DDR2: variants seen among roughly 807,000 people sequenced by gnomAD.
The protein encoded by DDR2 is discoidin domain-containing receptor 2.
Under a neutral mutation model 94.9 loss-of-function variants are expected in DDR2, and 27 were observed. The observed-to-expected ratio is 0.28, with a 90% CI of 0.21 to 0.39. The LOEUF is 0.39. DDR2 is among the 10% of genes least tolerant of loss of function. The pLI is 1.00. For synonymous variants in DDR2, 382 were observed against 377.2 expected, an observed-to-expected ratio of 1.01 and a Z score of -0.15; for missense variants, 783 against 1,076.0, an observed-to-expected ratio of 0.73 and a Z score of 3.81.
rs1377378043 is a variant in DDR2 at position 162,784,979 on chromosome 1, A to C, written c.*4733A>C. 6.6e-6 allele frequency: 1 copy of C among 152,228 alleles called. No homozygotes were observed. Among genetic ancestry groups the C allele is most frequent in the East Asian group, 1.9e-4 (1 of 5,198 alleles). 9.4% of individuals were successfully genotyped at this position (152,228 alleles called of 1,614,324 possible). A position where few individuals can be genotyped will look rare whatever the true frequency, so the allele number is the denominator to read the frequency against. ...ACTGGCCTTGCTTGGATACAACAGG[A>C]AAGATACTATCTGGATAAAGTTCTA... On this transcript the variant is annotated 3_prime_UTR_variant, in exon 18 of 18. Transcript: ENST00000367921.
At chr1:162,762,137 G>C (rs796353497) in intron 9 of DDR2, among the ~76,000 whole-genome samples, 34 of 152,236 alleles carry the variant, frequency 2.2e-4, no homozygotes, top group African/African-American at 7.7e-4. Flanking sequence ...ATAAGGATCT[G>C]TTGGTGAGTT....
At chr1:162,689,657 C>T (rs1352439432) in intron 2 of DDR2, among the ~76,000 whole-genome samples, 1 of 150,790 alleles carries the variant, frequency 6.6e-6, no homozygotes. Flanking sequence ...AAAAAGAAGG[C>T]ATCAAGGTTT....
chr1:162,763,586 G>A (rs1663858876), intron 9 of DDR2, among the ~76,000 whole-genome samples: 1 of 151,888 alleles, frequency 6.6e-6, no homozygotes, highest in Non-Finnish European at 1.5e-5. Context: ...GAAAGAACAA[G>A]GTATTTCAAG....
intron 2 of DDR2, among the ~76,000 whole-genome samples, chr1:162,686,383 A>G (rs1571197515): frequency 6.6e-6 from 1 of 151,884 alleles, no homozygotes; most frequent in Non-Finnish European, 1.5e-5. Flanking sequence ...CCACCCCGTG[A>G]CAGGCCCTGG....
At chr1:162,664,302 T>G (rs1658439925) in intron 2 of DDR2, among the ~76,000 whole-genome samples, 3 of 152,060 alleles carry the variant, frequency 2.0e-5, no homozygotes, top group African/African-American at 4.8e-5. Context: ...TATTAAATAA[T>G]CAGAAATAGA....
chr1:162,774,948 T>C (rs1284387018), intron 14 of DDR2, among the ~76,000 whole-genome samples: 1 of 152,146 alleles, frequency 6.6e-6, no homozygotes, highest in East Asian at 1.9e-4. Flanking sequence ...TCCAACAGTT[T>C]TGGGAATGTG....
At chr1:162,739,370 AGTG>A (rs1162433145) in intron 3 of DDR2, among the ~76,000 whole-genome samples, 1 of 152,126 alleles carries the variant, frequency 6.6e-6, no homozygotes, top group East Asian at 1.9e-4. Context: ...GCTGGAGTGC[AGTG>A]GTGTGATCAC....
rs5778295 is a variant in DDR2, at chr1:162,780,420, CTT to C, written c.*187_*188del. 0.62 allele frequency: 414,386 copies of C among 670,340 alleles called. 111,126 individuals carry two copies. Among genetic ancestry groups the C allele is most frequent in the Non-Finnish European group, 0.66 (290,550 of 437,022 alleles). 41.5% of individuals were successfully genotyped at this position (670,340 alleles called of 1,614,324 possible). ...ACTCCCTACCCCTGACTCATATACACTTTTTTTTTTTTTTACATTAAAGAACT... is the reference window on the plus strand; with the variant it reads ...ACTCCCTACCCCTGACTCATATACACTTTTTTTTTTTTACATTAAAGAACT... On this transcript the variant is annotated 3_prime_UTR_variant, in exon 18 of 18. Transcript: ENST00000367921.
At chr1:162,647,346 C>T (rs1463048545) in intron 1 of DDR2, among the ~76,000 whole-genome samples, 8 of 152,134 alleles carry the variant, frequency 5.3e-5, no homozygotes, top group East Asian at 1.9e-4. Context: ...GTGGACTTGA[C>T]GTTTTCTACT....
At chr1:162,727,808 A>C (rs1293643298) in intron 3 of DDR2, among the ~76,000 whole-genome samples, 1 of 148,970 alleles carries the variant, frequency 6.7e-6, no homozygotes, top group Non-Finnish European at 1.5e-5. Flanking sequence ...CTCATAAAAA[A>C]ACCTCACTGA....
intron 13 of DDR2, 157 bp downstream of exon 13, chr1:162,772,404 A>G (rs934194445): frequency 7.4e-6 from 6 of 808,574 alleles, no homozygotes; most frequent in African/African-American, 6.9e-5. Flanking sequence ...TATTGGGTCA[A>G]CCTAATCTTT....
intron 3 of DDR2, among the ~76,000 whole-genome samples, chr1:162,722,936 G>T (rs1208654185): frequency 6.6e-6 from 1 of 152,190 alleles, no homozygotes; most frequent in Non-Finnish European, 1.5e-5. Flanking sequence ...AAGACTACTT[G>T]TTTCCAACTC....
chr1:162,683,162 A>T (rs1172443281), intron 2 of DDR2, among the ~76,000 whole-genome samples: 1 of 152,228 alleles, frequency 6.6e-6, no homozygotes, highest in Non-Finnish European at 1.5e-5. Context: ...GACTTAAAAA[A>T]AACTCTCGGC....
intron 6 of DDR2, 98 bp from the exon 7 acceptor site, chr1:162,755,565 TG>T: frequency 8.2e-7 from 1 of 1,223,438 alleles, no homozygotes. Flanking sequence ...GGAGTCCTGC[TG>T]GACACGCTGT....
At chr1:162,761,118 A>G (rs1663717041) in intron 8 of DDR2, 93 bp from the exon 9 acceptor site, 8 of 1,570,808 alleles carry the variant, frequency 5.1e-6, no homozygotes, top group Non-Finnish European at 6.1e-6. Flanking sequence ...AGCTCGAATC[A>G]GGGTAGACGG....
At chr1:162,738,061 C>A in intron 3 of DDR2, among the ~76,000 whole-genome samples, 1 of 151,052 alleles carries the variant, frequency 6.6e-6, no homozygotes, top group East Asian at 2.0e-4. Flanking sequence ...CAGGGATGCC[C>A]TCTCTCACCG....
intron 3 of DDR2, among the ~76,000 whole-genome samples, chr1:162,727,647 T>G (rs1222664122): frequency 2.7e-5 from 4 of 149,524 alleles, no homozygotes; most frequent in African/African-American, 9.7e-5. Flanking sequence ...ATTGCCTATA[T>G]AAGCCAAGCA....
At chr1:162,772,750 C>T (rs1647292692) in intron 13 of DDR2, among the ~76,000 whole-genome samples, 1 of 152,192 alleles carries the variant, frequency 6.6e-6, no homozygotes, top group Non-Finnish European at 1.5e-5. Flanking sequence ...TTCATTTGCC[C>T]TCAGAGTGAT....
intron 17 of DDR2, among the ~76,000 whole-genome samples, chr1:162,779,081 G>A (rs926989758): frequency 6.6e-6 from 1 of 152,106 alleles, no homozygotes; most frequent in Non-Finnish European, 1.5e-5. Flanking sequence ...AGTGTAAAAG[G>A]GATGTATTAG....
Sources: gnomAD v4.1 joint callset for allele counts (sites outside exome capture counted in the v4.1 genomes callset) on GRCh38, gnomAD v4.1.1 for gene constraint, MANE v1.5 for transcripts, NCBI Gene and HGNC (gene_info 2026-07-23, HGNC 2026-07-21) for gene names.